Variants in MTMR3 observed in about 807,000 individuals in gnomAD.
The protein encoded by MTMR3 is myotubularin related protein 3, also known as phosphatidylinositol-3,5-bisphosphate 3-phosphatase MTMR3.
A neutral mutation model predicts 132.4 loss-of-function variants in MTMR3; 32 were observed. The ratio of observed to expected loss-of-function variants is 0.24; its 90% CI spans 0.18 to 0.32. The LOEUF is 0.32. Among genes scored for constraint, MTMR3 ranks in the 10% least tolerant of loss-of-function variants. The pLI is 1.00. For synonymous variants in MTMR3, 556 were observed against 550.3 expected (o/e 1.01, Z -0.14); for missense variants, 1,216 against 1,489.6 (o/e 0.82, Z 3.02).
intron 1 of MTMR3, among the ~76,000 whole-genome samples, chr22:29,949,500 G>GC (rs143403970): frequency 0.044 from 4,166 of 94,646 alleles, 446 homozygotes; most frequent in East Asian, 0.36. Flanking sequence ...TGTCCCCCGC[G>GC]CCCCCCCCCA....
chr22:29,954,059 C>CT (rs59781649), intron 1 of MTMR3, among the ~76,000 whole-genome samples: 17,656 of 78,656 alleles, frequency 0.22, 3,775 homozygotes, highest in East Asian at 0.45. Context: ...TCAAATGAGT[C>CT]TTTTTTTTTT....
chr22:30,007,129 A>G lies in MTMR3; in HGVS notation c.687A>G (p.Gly229=). The G allele has an allele frequency of 6.2e-7, 1 of 1,613,814 alleles. No individual in the cohort carries two copies. The highest frequency in any genetic ancestry group is 8.5e-7 in the Non-Finnish European group (1 of 1,179,966). ...PAVIYRHQSN[G]AVIARCGQPE... ...CCTCACACAGGCACCAGAGCAATGGAGCTGTCATTGCCCGCTGTGGACAGC... is the reference window on the plus strand; with the variant it reads ...CCTCACACAGGCACCAGAGCAATGGGGCTGTCATTGCCCGCTGTGGACAGC... The change falls in exon 10 of 20, where the codon GGA becomes GGG. Residue 229 remains glycine, a synonymous_variant. Transcript: ENST00000401950.
intron 8 of MTMR3, 138 bp from the exon 9 acceptor site, chr22:30,002,741 GC>G: frequency 1.7e-6 from 1 of 601,740 alleles, no homozygotes. Flanking sequence ...CGAATAAAGC[GC>G]CTCATTGCCT....
At chr22:29,896,662 A>G (rs762003932) in intron 1 of MTMR3, among the ~76,000 whole-genome samples, 39 of 151,576 alleles carry the variant, frequency 2.6e-4, no homozygotes, top group Non-Finnish European at 4.4e-4. Flanking sequence ...CCATAGTCTA[A>G]AAAAAAAGCA....
At chr22:29,987,422 A>G (rs992486646) in intron 5 of MTMR3, 3 of 152,194 alleles carry the variant, frequency 2.0e-5, no homozygotes, top group African/African-American at 7.2e-5. Context: ...CATACTAAAC[A>G]CAAGTTGTTG....
intron 17 of MTMR3, chr22:30,021,757 C>T: frequency 2.5e-6 from 1 of 405,230 alleles, no homozygotes; most frequent in Non-Finnish European, 4.5e-6. Context: ...CCATTTTGGT[C>T]ACTTCCCTCT....
At chr22:29,982,979 G>GTA (rs1359040690) in intron 5 of MTMR3, 2 of 149,496 alleles carry the variant, frequency 1.3e-5, no homozygotes, top group Non-Finnish European at 3.0e-5. Flanking sequence ...GTGTGTGTAT[G>GTA]TGTTTGTAAT....
intron 1 of MTMR3, among the ~76,000 whole-genome samples, chr22:29,922,955 C>G (rs1215147324): frequency 6.8e-6 from 1 of 147,426 alleles, no homozygotes; most frequent in Non-Finnish European, 1.5e-5. Flanking sequence ...GTGGGGTGAT[C>G]AGGGCTCATT....
intron 16 of MTMR3, 178 bp downstream of exon 16, chr22:30,018,250 C>A: frequency 1.5e-6 from 1 of 676,782 alleles, no homozygotes; most frequent in Non-Finnish European, 2.3e-6. Context: ...CTGTAAGATC[C>A]TTGTTTCTGG....
In MTMR3 at chr22:29,991,410, C is replaced by T. The variant is rs751420828; in HGVS notation, c.294-94C>T. ...GCTTTCTTGGTTGTAGTTCCCACTTCACTACGAGTGGGCATTCTTGAAATA... is the reference window on the plus strand; with the variant it reads ...GCTTTCTTGGTTGTAGTTCCCACTTTACTACGAGTGGGCATTCTTGAAATA... On this transcript the variant is annotated intron_variant, in intron 6 of 19. Transcript: ENST00000401950. The T allele has an allele frequency of 9.4e-4, 1,194 of 1,264,950 alleles. 2 individuals are homozygous for T. Among genetic ancestry groups the T allele is most frequent in the Non-Finnish European group, 1.1e-3 (1,067 of 931,388 alleles). 78.4% of individuals were successfully genotyped at this position (1,264,950 alleles called of 1,614,324 possible). A position where few individuals can be genotyped will look rare whatever the true frequency, so the allele number is the denominator to read the frequency against.
At chr22:29,908,997 A>C (rs1374906606) in intron 1 of MTMR3, among the ~76,000 whole-genome samples, 1 of 102,868 alleles carries the variant, frequency 9.7e-6, no homozygotes, top group South Asian at 3.4e-4. Flanking sequence ...TTTTTTTTTG[A>C]GACAAATTCT....
chr22:29,924,335 A>G (rs2065474906), intron 1 of MTMR3, among the ~76,000 whole-genome samples: 4 of 152,166 alleles, frequency 2.6e-5, no homozygotes, highest in African/African-American at 7.2e-5. Flanking sequence ...TTCCCATTGC[A>G]TGGTCTTGGT....
intron 17 of MTMR3, 158 bp downstream of exon 17, chr22:30,021,042 C>T (rs760388863): frequency 1.8e-5 from 13 of 726,662 alleles, no homozygotes; most frequent in Admixed American, 5.9e-5. Context: ...TGAGCCTCCA[C>T]GACAGCGATG....
intron 1 of MTMR3, among the ~76,000 whole-genome samples, chr22:29,929,159 T>C (rs2065588848): frequency 6.6e-6 from 1 of 151,986 alleles, no homozygotes; most frequent in South Asian, 2.1e-4. Flanking sequence ...CGTGTGCCTG[T>C]AATCCCAGCT....
At chr22:29,937,855 G>T (rs898597534) in intron 1 of MTMR3, among the ~76,000 whole-genome samples, 1 of 152,130 alleles carries the variant, frequency 6.6e-6, no homozygotes, top group Non-Finnish European at 1.5e-5. Flanking sequence ...TTAGTTGTTG[G>T]TTCCTAATTT....
rs756051223 is a variant in MTMR3 at position 30,022,016 on chromosome 22, TGTTTGCCAACA to T, written c.3226-11_3226-1del. The T allele has an allele frequency of 1.2e-6, 2 of 1,601,092 alleles. No individual in the cohort carries two copies. Among genetic ancestry groups the T allele is most frequent in the Admixed American group, 3.3e-5 (2 of 60,004 alleles). On this transcript the variant is annotated splice_acceptor_variant and splice_polypyrimidine_tract_variant and intron_variant, in intron 17 of 19. Transcript: ENST00000401950. LOFTEE classifies it high-confidence loss of function. ...CAGGTTCATTCTGTTCAGCTGTGTTTGTTTGCCAACAGACTTCAATCCCCGACTCGGAAAGC... is the reference window on the plus strand; with the variant it reads ...CAGGTTCATTCTGTTCAGCTGTGTTTGACTTCAATCCCCGACTCGGAAAGC...
chr22:29,906,219 A>G (rs1417241154), intron 1 of MTMR3, among the ~76,000 whole-genome samples: 1 of 151,788 alleles, frequency 6.6e-6, no homozygotes, highest in African/African-American at 2.4e-5. Flanking sequence ...ACACAAATAT[A>G]TTTGTCTCAC....
chr22:29,903,255 G>C (rs1017264683), intron 1 of MTMR3, among the ~76,000 whole-genome samples: 1 of 151,996 alleles, frequency 6.6e-6, no homozygotes, highest in Non-Finnish European at 1.5e-5. Flanking sequence ...AAAAAGAAAA[G>C]AGTTTGCAGG....
chr22:29,921,726 A>G (rs1246894054), intron 1 of MTMR3, among the ~76,000 whole-genome samples: 2 of 151,942 alleles, frequency 1.3e-5, no homozygotes, highest in Non-Finnish European at 2.9e-5. Flanking sequence ...TCTATTTTCT[A>G]TCTTTGTGAA....
Sources: allele counts gnomAD v4.1 joint callset (sites outside exome capture counted in the v4.1 genomes callset), GRCh38; gene constraint gnomAD v4.1.1; transcripts MANE v1.5; gene names NCBI Gene and HGNC (gene_info 2026-07-23, HGNC 2026-07-21).